The following TSHZ2 variants were observed in gnomAD, a reference collection of about 807,000 sequenced individuals.
The protein encoded by TSHZ2 is teashirt homolog 2.
A neutral mutation model predicts 74.4 loss-of-function variants in TSHZ2; 21 were observed. That is an observed-to-expected ratio of 0.28 (90% CI 0.20 to 0.41). The LOEUF (loss-of-function observed/expected upper bound fraction) is 0.41. TSHZ2 is among the 10% of genes least tolerant of loss of function. TSHZ2 has a pLI of 1.00. For synonymous variants in TSHZ2, 540 were observed against 515.3 expected (o/e 1.05, Z -0.65); for missense variants, 1,244 against 1,293.5 (o/e 0.96, Z 0.59).
chr20:53,116,496 C>T lies in TSHZ2; in HGVS notation c.41-137003C>T, dbSNP rs573371954. ...TAAGTGCTACAGGCTTCTGCTCCTGCCCTCCACCCCACGGCTGGTACACAA... is the reference window on the plus strand; with the variant it reads ...TAAGTGCTACAGGCTTCTGCTCCTGTCCTCCACCCCACGGCTGGTACACAA... On this transcript the variant is annotated intron_variant, in intron 1 of 2. Coordinates refer to ENST00000371497, the MANE Select transcript of TSHZ2 (RefSeq NM_173485.6). Among the ~76,000 whole-genome samples the T allele has an allele frequency of 1.1e-4, 17 of 152,292 alleles. No homozygotes were observed. In the South Asian group the frequency reaches 1.2e-3, roughly 11 times the overall value.
chr20:53,461,671 C>T (rs765807317), intron 2 of TSHZ2: 16 of 152,198 alleles, frequency 1.1e-4, no homozygotes, highest in Admixed American at 9.2e-4. Flanking sequence ...AAGACTCTCT[C>T]AGACACACAC....
intron 2 of TSHZ2, among the ~76,000 whole-genome samples, chr20:53,433,116 AT>A (rs1334937159): frequency 6.6e-6 from 1 of 152,184 alleles, no homozygotes; most frequent in Non-Finnish European, 1.5e-5. Flanking sequence ...AGAATTCTAC[AT>A]GAACCTCCTC....
intron 2 of TSHZ2, among the ~76,000 whole-genome samples, chr20:53,275,386 G>A (rs547431706): frequency 6.6e-5 from 10 of 151,900 alleles, no homozygotes; most frequent in Non-Finnish European, 1.5e-4. Context: ...ATCTGAAATG[G>A]GGAATTATAA....
intron 1 of TSHZ2, among the ~76,000 whole-genome samples, chr20:53,012,484 G>A (rs6022209): frequency 0.047 from 7,170 of 152,188 alleles, 387 homozygotes; most frequent in African/African-American, 0.13. Context: ...ATCCGCAGGT[G>A]GTTCAAACAC....
chr20:53,354,273 C>T (rs1206504514), intron 2 of TSHZ2, among the ~76,000 whole-genome samples: 1 of 152,110 alleles, frequency 6.6e-6, no homozygotes, highest in Non-Finnish European at 1.5e-5. Context: ...ACATGGTGCT[C>T]TTGTGGTGGC....
At chr20:53,238,723 G>C (rs1449657745) in intron 1 of TSHZ2, among the ~76,000 whole-genome samples, 1 of 151,464 alleles carries the variant, frequency 6.6e-6, no homozygotes, top group Non-Finnish European at 1.5e-5. Context: ...TAAACTCCCA[G>C]AGGGCCAGAA....
intron 1 of TSHZ2, among the ~76,000 whole-genome samples, chr20:53,216,323 A>G (rs1014985313): frequency 2.0e-5 from 3 of 152,142 alleles, no homozygotes; most frequent in South Asian, 2.1e-4. Flanking sequence ...TCAGTTCCTG[A>G]TGGAGGAGTA....
intron 2 of TSHZ2, among the ~76,000 whole-genome samples, chr20:53,269,672 C>T (rs546988371): frequency 6.6e-6 from 1 of 152,246 alleles, no homozygotes; most frequent in East Asian, 1.9e-4. Flanking sequence ...GTGCCTGGCA[C>T]AGTATCCATT....
intron 2 of TSHZ2, among the ~76,000 whole-genome samples, chr20:53,473,297 C>T (rs995192004): frequency 2.8e-5 from 4 of 143,622 alleles, no homozygotes; most frequent in African/African-American, 1.1e-4. Flanking sequence ...TCCCAGCACG[C>T]AGCTGGAGAT....
intron 1 of TSHZ2, among the ~76,000 whole-genome samples, chr20:53,014,819 C>T (rs755464059): frequency 6.6e-6 from 1 of 152,182 alleles, no homozygotes; most frequent in African/African-American, 2.4e-5. Context: ...TGCTCCCCTC[C>T]ACCTCCCTGA....
chr20:53,471,622 TG>T (rs1985803071), intron 2 of TSHZ2, among the ~76,000 whole-genome samples: 1 of 151,230 alleles, frequency 6.6e-6, no homozygotes, highest in Non-Finnish European at 1.5e-5. Flanking sequence ...AAACAAAGAG[TG>T]GGAAGAAGAG....
Position 53,207,128 on chromosome 20 carries a change from A to G in TSHZ2, c.41-46371A>G, listed in dbSNP as rs569102359. On this transcript the variant is annotated intron_variant, in intron 1 of 2. Transcript: ENST00000371497. The stretch of plus-strand genomic sequence containing the variant: ...ATAAATGATGCAGTTCAGAGGGATA[A>G]TGATGCCCTAATAAACATACAGTTG... Among the ~76,000 whole-genome samples the G allele has an allele frequency of 9.8e-4, 149 of 152,288 alleles. 1 individual carries two copies. The highest frequency in any genetic ancestry group is 3.1e-3 in the African/African-American group (129 of 41,552).
chr20:53,389,331 A>T (rs557437122), intron 2 of TSHZ2, among the ~76,000 whole-genome samples: 12 of 152,330 alleles, frequency 7.9e-5, no homozygotes, highest in African/African-American at 2.6e-4. Context: ...TGTAGTTTTC[A>T]CTTAAGCCCG....
chr20:53,317,953 GA>G (rs1979091596), intron 2 of TSHZ2, among the ~76,000 whole-genome samples: 2 of 152,220 alleles, frequency 1.3e-5, no homozygotes, highest in African/African-American at 4.8e-5. Context: ...AGGAAAGATG[GA>G]CATCAATTTG....
At chr20:53,441,275 A>AT (rs1469991178) in intron 2 of TSHZ2, among the ~76,000 whole-genome samples, 25 of 117,612 alleles carry the variant, frequency 2.1e-4, no homozygotes, top group South Asian at 7.9e-4. Context: ...ATTTTATTTT[A>AT]TTTATTTTGA....
intron 2 of TSHZ2, among the ~76,000 whole-genome samples, chr20:53,426,121 C>CT (rs1983646950): frequency 6.6e-6 from 1 of 152,240 alleles, no homozygotes; most frequent in Admixed American, 6.5e-5. Flanking sequence ...TGAGTGCTGG[C>CT]TTTTTTTCTT....
At chr20:53,036,307 T>G (rs551247593) in intron 1 of TSHZ2, among the ~76,000 whole-genome samples, 129 of 152,326 alleles carry the variant, frequency 8.5e-4, no homozygotes, top group African/African-American at 3.0e-3. Context: ...TGCAAGACAC[T>G]GTGATCCGAA....
chr20:53,486,275 A>G (rs1198171144), intron 2 of TSHZ2, among the ~76,000 whole-genome samples: 1 of 151,976 alleles, frequency 6.6e-6, no homozygotes, highest in Non-Finnish European at 1.5e-5. Context: ...TACATATCAC[A>G]TTTGCTTATC....
chr20:53,287,318 AC>A (rs1991186803), intron 2 of TSHZ2, among the ~76,000 whole-genome samples: 1 of 152,080 alleles, frequency 6.6e-6, no homozygotes, highest in Non-Finnish European at 1.5e-5. Flanking sequence ...TTCCCACTCT[AC>A]CTTGAGCCTC....
Sources: allele counts gnomAD v4.1 joint callset (sites outside exome capture counted in the v4.1 genomes callset), GRCh38; gene constraint gnomAD v4.1.1; transcripts MANE v1.5; gene names NCBI Gene and HGNC (gene_info 2026-07-23, HGNC 2026-07-21).